The following TMEM248 variants were observed in gnomAD, a reference collection of about 807,000 sequenced individuals.
TMEM248 encodes the protein UPF0458 protein C7orf42.
A neutral mutation model predicts 30.3 loss-of-function variants in TMEM248; 9 were observed. That is an observed-to-expected ratio of 0.30 (90% confidence interval 0.18 to 0.52). The LOEUF is 0.52. TMEM248 is among the 20% of genes least tolerant of loss of function. The pLI, the probability that TMEM248 is intolerant of heterozygous loss-of-function variation, is 0.97. For synonymous variants in TMEM248, 184 were observed against 154.4 expected, an observed-to-expected ratio of 1.19 and a Z score of -1.42; for missense variants, 338 against 403.3, an observed-to-expected ratio of 0.84 and a Z score of 1.39.
chr7:66,958,309 T>C lies in TMEM248; in HGVS notation c.*2787T>C, dbSNP rs1323157435. Reference sequence around the variant, plus strand: ...AATCAGTTTTGATTCTATTTGTAAGTGTTTCTTGTCGTGAGGCACCTGCCA... The same window carrying C: ...AATCAGTTTTGATTCTATTTGTAAGCGTTTCTTGTCGTGAGGCACCTGCCA... On this transcript the variant is annotated 3_prime_UTR_variant, in exon 7 of 7. Coordinates refer to ENST00000341567, the MANE Select transcript of TMEM248 (RefSeq NM_017994.5). 6.5e-6 allele frequency: 1 copy of C among 152,676 alleles called. No homozygotes were observed. Among genetic ancestry groups the C allele is most frequent in the African/African-American group, 2.4e-5 (1 of 41,474 alleles). 9.5% of individuals were successfully genotyped at this position (152,676 alleles called of 1,614,324 possible).
chr7:66,926,421 A>G (rs1240583056), intron 1 of TMEM248, among the ~76,000 whole-genome samples: 1 of 152,162 alleles, frequency 6.6e-6, no homozygotes, highest in Non-Finnish European at 1.5e-5. Context: ...GGAGTTCGAG[A>G]CTAACCTGGC....
chr7:66,923,059 G>A (rs1314413250), intron 1 of TMEM248, among the ~76,000 whole-genome samples: 1 of 152,190 alleles, frequency 6.6e-6, no homozygotes, highest in Non-Finnish European at 1.5e-5. Flanking sequence ...CTTAGAGGAA[G>A]CAATAGGCTA....
intron 1 of TMEM248, among the ~76,000 whole-genome samples, chr7:66,928,343 T>C (rs80305337): frequency 6.6e-6 from 1 of 152,190 alleles, no homozygotes; most frequent in Non-Finnish European, 1.5e-5. Context: ...TTTTTTTTTT[T>C]CACTTTGGCA....
At position 66,945,224 on chromosome 7, in the gene TMEM248, G is replaced by A. The variant is rs1450054219; in HGVS notation, c.408G>A (p.Leu136=). Residue 136 remains leucine (L), a synonymous_variant, in exon 3 of 7, where the codon CTG becomes CTA. Transcript: ENST00000341567. ...FGGYSRNVTH[L]YSTILGHQIG... is the part of the protein sequence containing the mutation. ...GGTATTCCCGCAACGTCACCCATCTGTACTCAACCATCTTAGGGCATCAGA... is the reference window on the plus strand; with the variant it reads ...GGTATTCCCGCAACGTCACCCATCTATACTCAACCATCTTAGGGCATCAGA... 1.2e-6 allele frequency: 2 copies of A among 1,614,158 alleles called. No homozygotes were observed. The highest frequency in any genetic ancestry group is 1.7e-5 in the Admixed American group (1 of 60,012).
At chr7:66,955,288 G>T (rs1006836024) in intron 6 of TMEM248, among the ~76,000 whole-genome samples, 2 of 152,182 alleles carry the variant, frequency 1.3e-5, no homozygotes, top group Non-Finnish European at 2.9e-5. Flanking sequence ...AGTTAATTCT[G>T]TCTCCGCACA....
At chr7:66,951,314 G>A in intron 5 of TMEM248, 179 bp downstream of exon 5, 1 of 489,984 alleles carries the variant, frequency 2.0e-6, no homozygotes, top group Non-Finnish European at 3.3e-6. Context: ...GGAAAAACAT[G>A]TTACCCATTG....
At chr7:66,921,833 A>G (rs897880155) in intron 1 of TMEM248, 4 of 152,280 alleles carry the variant, frequency 2.6e-5, no homozygotes, top group Non-Finnish European at 5.9e-5. Flanking sequence ...TTTGGCAGTG[A>G]AACACATCTC....
chr7:66,948,412 G>C lies in TMEM248; in HGVS notation c.446-132G>C, dbSNP rs1050352213. On this transcript the variant is annotated intron_variant, in intron 3 of 6. Transcript: ENST00000341567. ...GGGTCAGGACTGCTCTTCTTCCTCA[G>C]ATCCCACAAAGGCAGGTGCCTGGGC... The C allele has an allele frequency of 3.6e-6, 4 of 1,102,396 alleles. No homozygotes were observed. In the East Asian group the frequency reaches 7.8e-5, roughly 21 times the overall value. The allele number at this position is 1,102,396 out of a possible 1,614,324, so 68.3% of individuals were successfully genotyped here. A position where few individuals can be genotyped will look rare whatever the true frequency, so the allele number is the denominator to read the frequency against.
intron 1 of TMEM248, among the ~76,000 whole-genome samples, chr7:66,936,638 C>G (rs529736948): frequency 2.2e-4 from 33 of 151,904 alleles, no homozygotes; most frequent in Non-Finnish European, 1.5e-5. Context: ...GGTATTAGTT[C>G]TTCTTTTAGT....
intron 1 of TMEM248, among the ~76,000 whole-genome samples, chr7:66,923,137 T>G (rs1791430384): frequency 1.3e-5 from 2 of 151,584 alleles, no homozygotes; most frequent in Non-Finnish European, 2.9e-5. Flanking sequence ...ATGGTTAGGA[T>G]CAGAAACTAA....
At position 66,939,669 on chromosome 7, in the gene TMEM248, G is replaced by A. The variant is rs575944084; in HGVS notation, c.-18-2179G>A. The stretch of plus-strand genomic sequence containing the variant: ...ACAGGCAAAATCTCCACTCTCACTG[G>A]GCTCATAAATGAGGGATGACAGATA... On this transcript the variant is annotated intron_variant, in intron 1 of 6. Transcript: ENST00000341567. 5.3e-4 allele frequency among the ~76,000 whole-genome samples: 80 copies of A among 152,300 alleles called. 1 individual carries two copies. The South Asian group carries it at 0.011, about 22-fold the overall frequency.
intron 3 of TMEM248, among the ~76,000 whole-genome samples, chr7:66,947,735 A>T (rs552894766): frequency 6.6e-6 from 1 of 151,392 alleles, no homozygotes; most frequent in Admixed American, 6.6e-5. Context: ...TAATATTTTA[A>T]TTTTTTATTT....
intron 1 of TMEM248, among the ~76,000 whole-genome samples, chr7:66,925,765 C>T (rs1562935729): frequency 6.6e-6 from 1 of 151,372 alleles, no homozygotes; most frequent in Non-Finnish European, 1.5e-5. Flanking sequence ...CCTCAGCCTC[C>T]CGAGTAGCTG....
chr7:66,944,062 T>G (rs1431686077), intron 2 of TMEM248, among the ~76,000 whole-genome samples: 1 of 151,202 alleles, frequency 6.6e-6, no homozygotes, highest in African/African-American at 2.4e-5. Flanking sequence ...CCCAAAGTGC[T>G]GGGATTACAG....
At chr7:66,952,469 G>A (rs1019860930) in intron 5 of TMEM248, among the ~76,000 whole-genome samples, 3 of 152,210 alleles carry the variant, frequency 2.0e-5, no homozygotes, top group Admixed American at 2.0e-4. Context: ...TTAGTGCCTG[G>A]CCAAGGGCAG....
Position 66,955,781 on chromosome 7 carries a change from A to G in TMEM248, c.*259A>G. 1 of 464,276 alleles carries G rather than the reference A, an allele frequency of 2.2e-6. No homozygotes were observed. Among genetic ancestry groups the G allele is most frequent in the Non-Finnish European group, 3.8e-6 (1 of 265,596 alleles). 28.8% of individuals were successfully genotyped at this position (464,276 alleles called of 1,614,324 possible). A position where few individuals can be genotyped will look rare whatever the true frequency, so the allele number is the denominator to read the frequency against. ...CACCTTGGACTTGAGGACCTACCTG[A>G]TGGGACGTTTCCACGTGTCTCTAGA... On this transcript the variant is annotated 3_prime_UTR_variant, in exon 7 of 7. Transcript: ENST00000341567.
chr7:66,944,501 T>C (rs1361663778), intron 2 of TMEM248, among the ~76,000 whole-genome samples: 1 of 152,180 alleles, frequency 6.6e-6, no homozygotes, highest in African/African-American at 2.4e-5. Flanking sequence ...CACTGCTGTT[T>C]TGTGTTCTAG....
At chr7:66,933,405 A>T (rs1791719072) in intron 1 of TMEM248, among the ~76,000 whole-genome samples, 1 of 152,192 alleles carries the variant, frequency 6.6e-6, no homozygotes, top group South Asian at 2.1e-4. Flanking sequence ...CTATTGTTGG[A>T]TATGTAGTTT....
intron 1 of TMEM248, among the ~76,000 whole-genome samples, chr7:66,937,533 C>G (rs924303528): frequency 6.6e-6 from 1 of 152,148 alleles, no homozygotes; most frequent in African/African-American, 2.4e-5. Context: ...TCTTGGTGCT[C>G]CAGTGTTGGG....
Sources: allele counts gnomAD v4.1 joint callset (sites outside exome capture counted in the v4.1 genomes callset), GRCh38; gene constraint gnomAD v4.1.1; transcripts MANE v1.5; gene names NCBI Gene and HGNC (gene_info 2026-07-23, HGNC 2026-07-21).